Variants in SLC44A5 observed in about 807,000 individuals in gnomAD.
The protein encoded by SLC44A5 is solute carrier family 44 member 5.
Under a neutral mutation model 101.8 loss-of-function variants are expected in SLC44A5, and 57 were observed. That is an observed-to-expected ratio of 0.56 (90% CI 0.45 to 0.70). The LOEUF (loss-of-function observed/expected upper bound fraction) is 0.70, where lower values mean the gene tolerates loss of function less well. SLC44A5 is among the 30% of genes least tolerant of loss of function. SLC44A5 has a pLI of 0.00. For missense variants in SLC44A5, 737 were observed against 853.1 expected (o/e 0.86, Z 1.70); for synonymous variants, 281 against 290.9 (o/e 0.97, Z 0.35).
chr1:75,203,493 TACAAA>T lies in SLC44A5; in HGVS notation c.*229_*233del, dbSNP rs1487639670. On this transcript the variant is annotated 3_prime_UTR_variant, in exon 24 of 24. Coordinates refer to ENST00000370859, the MANE Select transcript of SLC44A5 (RefSeq NM_001130058.2). ...TCCAAGCCACTCTTTAAAAACGAAT[TACAAA>T]ACAAATGATCTTAGTATAAAAATGT... The T allele has an allele frequency of 5.8e-6, 2 of 344,438 alleles. No homozygotes were observed. The highest frequency in any genetic ancestry group is 1.0e-5 in the Non-Finnish European group (2 of 193,296). The allele number at this position is 344,438 out of a possible 1,614,324, so 21.3% of individuals were successfully genotyped here. A position where few individuals can be genotyped will look rare whatever the true frequency, so the allele number is the denominator to read the frequency against.
intron 2 of SLC44A5, among the ~76,000 whole-genome samples, chr1:75,458,841 A>G (rs1372945108): frequency 6.6e-6 from 1 of 152,170 alleles, no homozygotes; most frequent in Non-Finnish European, 1.5e-5. Context: ...GCACTTAATA[A>G]ACATATGAAG....
At chr1:75,442,874 G>C (rs1274061630) in intron 2 of SLC44A5, among the ~76,000 whole-genome samples, 4 of 152,142 alleles carry the variant, frequency 2.6e-5, no homozygotes, top group Non-Finnish European at 5.9e-5. Flanking sequence ...TCATTTAGAA[G>C]TCAATAACAA....
At chr1:75,399,112 G>A (rs781146765) in intron 2 of SLC44A5, among the ~76,000 whole-genome samples, 5 of 151,886 alleles carry the variant, frequency 3.3e-5, no homozygotes, top group Non-Finnish European at 7.4e-5. Context: ...GGAGGAGGGG[G>A]TAGCAATGAG....
chr1:75,723,792 G>A, the SLC44A5 span: 2 of 152,050 alleles, frequency 1.3e-5, no homozygotes, highest in Non-Finnish European at 2.9e-5. Flanking sequence ...CTTGTACCTA[G>A]GACTAACACA....
At chr1:75,477,971 T>C (rs1414129702) in intron 2 of SLC44A5, among the ~76,000 whole-genome samples, 1 of 151,570 alleles carries the variant, frequency 6.6e-6, no homozygotes, top group Non-Finnish European at 1.5e-5. Context: ...AAAGTTGAAA[T>C]GAAGGAAAAA....
At chr1:75,388,660 T>C (rs1267902100) in intron 3 of SLC44A5, among the ~76,000 whole-genome samples, 1 of 151,816 alleles carries the variant, frequency 6.6e-6, no homozygotes, top group Admixed American at 6.6e-5. Flanking sequence ...GCGCCTGTGG[T>C]CCCAGCAACT....
Position 75,313,207 on chromosome 1 carries a change from A to G in SLC44A5, c.102-12522T>C, listed in dbSNP as rs370936047. On this transcript the variant is annotated intron_variant, in intron 4 of 23. Transcript: ENST00000370859. Reference sequence around the variant, plus strand: ...GGAATACTGTGAAAATAAATGTCAGAGCATGGGAGAGTTTTCAGCTCCAAA... The same window carrying G: ...GGAATACTGTGAAAATAAATGTCAGGGCATGGGAGAGTTTTCAGCTCCAAA... Among the ~76,000 whole-genome samples, 22 of 152,246 alleles carry G rather than the reference A, an allele frequency of 1.4e-4. 1 individual carries two copies. Among genetic ancestry groups the G allele is most frequent in the Admixed American group, 9.8e-4 (15 of 15,292 alleles).
intron 1 of SLC44A5, among the ~76,000 whole-genome samples, chr1:75,557,995 T>C (rs1672312662): frequency 6.6e-6 from 1 of 152,104 alleles, no homozygotes; most frequent in Admixed American, 6.6e-5. Context: ...ATTGAGCATA[T>C]ACTATGAGTC....
chr1:75,686,242 C>T, the SLC44A5 span, among the ~76,000 whole-genome samples: 1 of 151,998 alleles, frequency 6.6e-6, no homozygotes, highest in African/African-American at 2.4e-5. Context: ...CATTTGCACA[C>T]GTGTGTGTAT....
chr1:75,218,800 C>T (rs1386226568), intron 16 of SLC44A5, 48 bp from the exon 17 acceptor site: 11 of 1,531,454 alleles, frequency 7.2e-6, no homozygotes, highest in Non-Finnish European at 8.8e-6. Context: ...AATATCACTC[C>T]AAGATAACAA....
intron 1 of SLC44A5, 51 bp from the exon 2 acceptor site, chr1:75,541,567 C>T: frequency 7.8e-7 from 1 of 1,281,380 alleles, no homozygotes; most frequent in South Asian, 1.4e-5. Context: ...ATTATTTTTA[C>T]TCATTAACAA....
At chr1:75,402,621 G>A (rs1008354698) in intron 2 of SLC44A5, 5 of 159,212 alleles carry the variant, frequency 3.1e-5, no homozygotes, top group African/African-American at 1.2e-4. Context: ...GAGAAGCCAT[G>A]AGGGACTGTC....
intron 2 of SLC44A5, among the ~76,000 whole-genome samples, chr1:75,444,176 G>A (rs1452653774): frequency 6.6e-6 from 1 of 151,790 alleles, no homozygotes; most frequent in Non-Finnish European, 1.5e-5. Context: ...AATTAGCTGG[G>A]CATGGTGACG....
At chr1:75,322,903 C>T (rs12404058) in intron 4 of SLC44A5, among the ~76,000 whole-genome samples, 48,469 of 151,970 alleles carry the variant, frequency 0.32, 9,108 homozygotes, top group East Asian at 0.82. Flanking sequence ...GTTTCTCATC[C>T]GAAAATAGGA....
the SLC44A5 span, among the ~76,000 whole-genome samples, chr1:75,711,493 C>T: frequency 2.0e-5 from 3 of 152,192 alleles, no homozygotes; most frequent in African/African-American, 4.8e-5. Flanking sequence ...AGACCATAGA[C>T]TACAGCATGG....
intron 1 of SLC44A5, among the ~76,000 whole-genome samples, chr1:75,548,037 CTTT>C (rs1016843332): frequency 6.6e-6 from 1 of 152,100 alleles, no homozygotes; most frequent in African/African-American, 2.4e-5. Context: ...TAACCTTATA[CTTT>C]TTATTTTAAT....
chr1:75,388,131 C>A, intron 3 of SLC44A5, among the ~76,000 whole-genome samples: 1 of 138,980 alleles, frequency 7.2e-6, no homozygotes. Flanking sequence ...TTAGTGGGTG[C>A]AGCGCACCAG....
At chr1:75,226,314 A>T (rs961957002) in intron 13 of SLC44A5, among the ~76,000 whole-genome samples, 2 of 152,012 alleles carry the variant, frequency 1.3e-5, no homozygotes, top group African/African-American at 4.8e-5. Flanking sequence ...TGTGCTGCTC[A>T]GCTAGGTCAT....
intron 3 of SLC44A5, among the ~76,000 whole-genome samples, chr1:75,339,881 C>T (rs566446288): frequency 3.3e-5 from 5 of 152,110 alleles, no homozygotes; most frequent in African/African-American, 1.2e-4. Flanking sequence ...TGTATCCTCC[C>T]ACCATACTGA....
Sources: gnomAD v4.1 joint callset for allele counts (sites outside exome capture counted in the v4.1 genomes callset) on GRCh38, gnomAD v4.1.1 for gene constraint, MANE v1.5 for transcripts, NCBI Gene and HGNC (gene_info 2026-07-23, HGNC 2026-07-21) for gene names.